The following ZNF362 variants were observed in gnomAD, a reference collection of about 807,000 sequenced individuals.
The protein encoded by ZNF362 is zinc finger protein 362, also known as rotund homolog.
In ZNF362, 11 loss-of-function variants were observed where a neutral mutation model predicts 42.9. The ratio of observed to expected loss-of-function variants is 0.26; its 90% CI spans 0.16 to 0.42. The LOEUF (loss-of-function observed/expected upper bound fraction) is 0.42. ZNF362 is among the 20% of genes least tolerant of loss of function. The pLI, the probability that ZNF362 is intolerant of heterozygous loss-of-function variation, is 1.00. For missense variants in ZNF362, 362 were observed against 576.2 expected, an observed-to-expected ratio of 0.63 and a Z score of 3.81; for synonymous variants, 255 against 257.3, an observed-to-expected ratio of 0.99 and a Z score of 0.09.
Position 33,280,349 on chromosome 1 carries a change from G to A in ZNF362, c.575G>A (p.Arg192His), listed in dbSNP as rs768361109. 1.9e-6 allele frequency: 3 copies of A among 1,614,012 alleles called. No homozygotes were observed. In the South Asian group the frequency reaches 3.3e-5, roughly 18 times the overall value. Residue 192 changes from arginine (R) to histidine (H), a missense_variant, in exon 5 of 9, where the codon CGC becomes CAC. Arg to His is a conservative substitution (Grantham distance 29, BLOSUM62 0). Transcript: ENST00000539719. This position sits in a 1 kb window ranked among gnomAD's most constrained non-coding sequence, Gnocchi z 5.6. ...HGLLGPPKSERGRKKIKAENP... is the reference protein window; with the variant it reads ...HGLLGPPKSEHGRKKIKAENP... ...CTGCTTGGCCCCCCCAAGTCCGAACGCGGCCGCAAAAAGATCAAGGCGGAG... is the reference window on the plus strand; with the variant it reads ...CTGCTTGGCCCCCCCAAGTCCGAACACGGCCGCAAAAAGATCAAGGCGGAG...
the ZNF362 span, among the ~76,000 whole-genome samples, chr1:33,228,994 G>C: frequency 6.6e-6 from 1 of 152,130 alleles, no homozygotes; most frequent in Non-Finnish European, 1.5e-5. Flanking sequence ...TTGCTGCAAA[G>C]CCTTTGTGAT....
intron 6 of ZNF362, among the ~76,000 whole-genome samples, chr1:33,290,352 T>C (rs1181914221): frequency 6.6e-6 from 1 of 151,846 alleles, no homozygotes; most frequent in Non-Finnish European, 1.5e-5. Context: ...CTGAGAATGA[T>C]GGTTTCCAGC....
At chr1:33,175,031 T>A in the ZNF362 span, among the ~76,000 whole-genome samples, 110,366 of 146,862 alleles carry the variant, frequency 0.75, 41,413 homozygotes, top group Admixed American at 0.77. Context: ...ATGTATATGT[T>A]TATGTATATG....
intron 1 of ZNF362, among the ~76,000 whole-genome samples, chr1:33,258,704 C>T (rs907288479): frequency 6.6e-6 from 1 of 152,172 alleles, no homozygotes; most frequent in African/African-American, 2.4e-5. Flanking sequence ...TAGAATGGGA[C>T]AGCACGATCC....
chr1:33,296,667 G>A (rs920684696), intron 8 of ZNF362, among the ~76,000 whole-genome samples: 5 of 152,088 alleles, frequency 3.3e-5, no homozygotes, highest in South Asian at 2.1e-4. Context: ...CCATGCAGGC[G>A]AACACTGAGT....
the ZNF362 span, among the ~76,000 whole-genome samples, chr1:33,201,678 T>A: frequency 6.6e-6 from 1 of 152,148 alleles, no homozygotes; most frequent in Non-Finnish European, 1.5e-5. Flanking sequence ...TGCTCTATAT[T>A]AATCAAGGGC....
At chr1:33,255,576 G>A (rs1645781216), upstream of ZNF362, among the ~76,000 whole-genome samples, 1 of 152,158 alleles carries the variant, frequency 6.6e-6, no homozygotes, top group Non-Finnish European at 1.5e-5. Context: ...GCTGGGGAGG[G>A]TGAGGCGGGA....
intron 6 of ZNF362, among the ~76,000 whole-genome samples, chr1:33,289,384 C>T (rs997225284): frequency 5.9e-5 from 9 of 152,060 alleles, no homozygotes; most frequent in Non-Finnish European, 1.2e-4. Context: ...ATGGAGGTTG[C>T]CAGACTGGGC....
At chr1:33,138,626 C>CAAAA in the ZNF362 span, among the ~76,000 whole-genome samples, 40 of 66,048 alleles carry the variant, frequency 6.1e-4, no homozygotes, top group African/African-American at 1.3e-3. Flanking sequence ...ACAACAACAA[C>CAAAA]AAAAAAAAAA....
the ZNF362 span, among the ~76,000 whole-genome samples, chr1:33,173,095 T>C: frequency 1.3e-5 from 2 of 152,250 alleles, no homozygotes; most frequent in East Asian, 3.9e-4. Context: ...TGCCTCTCCC[T>C]TTCCTCCCCC....
the ZNF362 span, among the ~76,000 whole-genome samples, chr1:33,216,617 A>G: frequency 3.3e-5 from 5 of 150,816 alleles, no homozygotes; most frequent in Admixed American, 3.3e-4. Context: ...AAAAAAAAAA[A>G]AAGAAACAGG....
the ZNF362 span, among the ~76,000 whole-genome samples, chr1:33,184,236 C>T: frequency 1.3e-5 from 2 of 152,122 alleles, no homozygotes; most frequent in Non-Finnish European, 2.9e-5. Context: ...TAAGCATTCT[C>T]ACATATATTA....
the ZNF362 span, among the ~76,000 whole-genome samples, chr1:33,127,889 A>T: frequency 6.6e-6 from 1 of 152,124 alleles, no homozygotes; most frequent in Non-Finnish European, 1.5e-5. Context: ...TAATCGACAC[A>T]GGCCTGTGCA....
chr1:33,189,722 T>TATATAC, the ZNF362 span, among the ~76,000 whole-genome samples: 1 of 102,962 alleles, frequency 9.7e-6, no homozygotes, highest in African/African-American at 4.0e-5. Flanking sequence ...TATATATACA[T>TATATAC]ACACACATAC....
At chr1:33,286,092 A>G (rs1646030446) in intron 6 of ZNF362, among the ~76,000 whole-genome samples, 1 of 152,182 alleles carries the variant, frequency 6.6e-6, no homozygotes, top group Admixed American at 6.5e-5. Flanking sequence ...AACAACAAAA[A>G]AAGAAGAATA....
chr1:33,280,277 C>G lies in ZNF362; in HGVS notation c.503C>G (p.Thr168Ser). The G allele has an allele frequency of 3.1e-6, 5 of 1,614,086 alleles. No homozygotes were observed. The highest frequency in any genetic ancestry group is 4.2e-6 in the Non-Finnish European group (5 of 1,179,950). ...ASSPTLISGI[T>S]SPPLLDSIKT... The stretch of plus-strand genomic sequence containing the variant: ...TCCCCCACCCTCATCTCAGGGATCA[C>G]CAGCCCCCCTCTCCTGGACTCCATC... Residue 168 changes from threonine to serine, a missense_variant, in exon 5 of 9, where the codon ACC becomes AGC. Physicochemically the swap from Thr to Ser is moderately conservative, Grantham distance 58. This residue lies in a region of ZNF362 where 266 missense variants were observed against 365.4 expected (regional missense o/e 0.73). Transcript: ENST00000539719. The surrounding 1 kb of genome is among the most constrained non-coding windows in gnomAD (Gnocchi z 5.6).
the ZNF362 span, among the ~76,000 whole-genome samples, chr1:33,207,521 A>C: frequency 6.6e-6 from 1 of 152,152 alleles, no homozygotes; most frequent in Non-Finnish European, 1.5e-5. Context: ...TTGAAGAATC[A>C]CCACACTGTC....
the ZNF362 span, among the ~76,000 whole-genome samples, chr1:33,249,749 G>A: frequency 1.3e-5 from 2 of 152,140 alleles, no homozygotes; most frequent in Admixed American, 6.5e-5. Context: ...GTAAGTGCAG[G>A]CTGGTGTTCT....
At chr1:33,278,459 A>T (rs777805909) in intron 4 of ZNF362, among the ~76,000 whole-genome samples, 4 of 152,246 alleles carry the variant, frequency 2.6e-5, no homozygotes, top group Non-Finnish European at 5.9e-5. Context: ...AAGAATTTTC[A>T]TATGTTTATA....
Sources: allele counts gnomAD v4.1 joint callset (sites outside exome capture counted in the v4.1 genomes callset), GRCh38; gene constraint gnomAD v4.1.1; regional missense constraint gnomAD v4.1.1; non-coding constraint Gnocchi (gnomAD v3.1); transcripts MANE v1.5; gene names NCBI Gene and HGNC (gene_info 2026-07-23, HGNC 2026-07-21).